Variants in PLEKHA5 observed in about 807,000 individuals in gnomAD.
The protein encoded by PLEKHA5 is pleckstrin homology domain-containing family A member 5.
In PLEKHA5, 55 loss-of-function variants were observed where a neutral mutation model predicts 181.9. That is an observed-to-expected ratio of 0.30 (90% CI 0.24 to 0.38). The LOEUF is 0.38. PLEKHA5 is among the 10% of genes least tolerant of loss of function. The probability of loss-of-function intolerance (pLI) is 1.00; values close to 1 mark genes in which losing one functional copy is unlikely to be tolerated. For synonymous variants in PLEKHA5, 535 were observed against 529.4 expected, an observed-to-expected ratio of 1.01 and a Z score of -0.15; for missense variants, 1,432 against 1,549.5, an observed-to-expected ratio of 0.92 and a Z score of 1.27.
chr12:19,364,621 C>G (rs1315220512), intron 29 of PLEKHA5, among the ~76,000 whole-genome samples: 1 of 151,960 alleles, frequency 6.6e-6, no homozygotes, highest in African/African-American at 2.4e-5. Flanking sequence ...TGACAAGGAT[C>G]TTTATATGAA....
At chr12:19,198,347 G>C (rs1323634720) in intron 3 of PLEKHA5, among the ~76,000 whole-genome samples, 1 of 152,162 alleles carries the variant, frequency 6.6e-6, no homozygotes, top group Non-Finnish European at 1.5e-5. Context: ...GCCAGGCTTA[G>C]AGCCTTTAAA....
chr12:19,173,513 C>A (rs139202037), intron 3 of PLEKHA5, among the ~76,000 whole-genome samples: 18 of 151,980 alleles, frequency 1.2e-4, no homozygotes, highest in African/African-American at 3.9e-4. Flanking sequence ...AGTGTGGGGA[C>A]GAAACCAGTG....
intron 30 of PLEKHA5, among the ~76,000 whole-genome samples, chr12:19,369,226 G>T (rs1365860321): frequency 6.6e-6 from 1 of 151,634 alleles, no homozygotes; most frequent in Non-Finnish European, 1.5e-5. Context: ...GTAGAGTCGG[G>T]GTTTCACCAT....
At position 19,334,818 on chromosome 12, in the gene PLEKHA5, C is replaced by G. The variant is rs1255609136; in HGVS notation, c.2449-1697C>G. ...GCAACATGGCAAAATCCTGTCTTCA[C>G]AAAAAAAAAAAATATATATATATAT... On this transcript the variant is annotated intron_variant, in intron 20 of 31. Transcript: ENST00000429027. Among the ~76,000 whole-genome samples the G allele has an allele frequency of 3.5e-3, 21 of 5,982 alleles. No homozygotes were observed. In the South Asian group the frequency reaches 0.057, roughly 16 times the overall value. The allele number at this position is 5,982 out of a possible 152,430, so 3.9% of individuals were successfully genotyped here.
chr12:19,331,637 C>T (rs989138215), intron 20 of PLEKHA5, among the ~76,000 whole-genome samples: 2 of 152,178 alleles, frequency 1.3e-5, no homozygotes, highest in Non-Finnish European at 2.9e-5. Context: ...CTCCCCCGCA[C>T]AGTGGCCAAG....
rs138370622 is a variant in PLEKHA5, at chr12:19,374,726, G to A, written c.*12-805G>A. On this transcript the variant is annotated intron_variant, in intron 31 of 31. Transcript: ENST00000429027. The stretch of plus-strand genomic sequence containing the variant: ...TCCTAGCACTTTGGGAGGCCGAGGC[G>A]GGCGGATTGCCTGAGTTCAGGAGTT... Among the ~76,000 whole-genome samples the A allele has an allele frequency of 6.5e-3, 977 of 149,558 alleles. 8 individuals are homozygous for A. The highest frequency in any genetic ancestry group is 0.023 in the African/African-American group (917 of 40,580).
intron 15 of PLEKHA5, among the ~76,000 whole-genome samples, chr12:19,298,408 C>CTTTTTTTTTTT (rs533661916): frequency 2.8e-5 from 3 of 106,336 alleles, no homozygotes; most frequent in East Asian, 2.7e-4. Context: ...ATTTTTTTAG[C>CTTTTTTTTTTT]TTTTTTTTTT....
intron 5 of PLEKHA5, among the ~76,000 whole-genome samples, 169 bp downstream of exon 5, chr12:19,255,334 GT>G (rs1340381865): frequency 3.3e-5 from 5 of 152,032 alleles, no homozygotes; most frequent in Middle Eastern, 3.2e-3. Flanking sequence ...TAATAAGATT[GT>G]AATTCAGTGA....
intron 3 of PLEKHA5, among the ~76,000 whole-genome samples, chr12:19,236,115 T>A (rs957661128): frequency 4.6e-5 from 7 of 152,194 alleles, no homozygotes; most frequent in Admixed American, 4.6e-4. Context: ...AAAGAAAGCA[T>A]GTTGCAAAAC....
At chr12:19,232,603 G>A (rs1440122187) in intron 3 of PLEKHA5, among the ~76,000 whole-genome samples, 6 of 152,140 alleles carry the variant, frequency 3.9e-5, no homozygotes, top group African/African-American at 1.4e-4. Context: ...GTCACTCTCT[G>A]AGGAGGAAGA....
In PLEKHA5 at chr12:19,322,577, C is replaced by T. The variant is rs545027620; in HGVS notation, c.2358C>T (p.Asn786=). 1.2e-4 allele frequency: 196 copies of T among 1,613,576 alleles called. 2 individuals are homozygous for T. In the South Asian group the frequency reaches 2.0e-3, roughly 17 times the overall value. ...AAGAGATAGAAATGCATGCAGATAA[C>T]CCAGCAGCCATTCAGACAGTGGTGT... The part of the protein sequence containing the change: ...ASQEIEMHAD[N]PAAIQTVVLQ... Residue 786 remains asparagine (N), a synonymous_variant, in exon 20 of 32, where the codon AAC becomes AAT. Coordinates refer to ENST00000429027, the MANE Select transcript of PLEKHA5 (RefSeq NM_001256470.2).
In PLEKHA5 at chr12:19,367,878, G is replaced by A. The variant is rs114183059; in HGVS notation, c.3754+1769G>A. ...TGGGATTATAGGCATGAGCCACTGC[G>A]CCCGGCCCAGCTTTGCTTCTTGTAG... On this transcript the variant is annotated intron_variant, in intron 30 of 31. Coordinates refer to ENST00000429027, the MANE Select transcript of PLEKHA5 (RefSeq NM_001256470.2). 2.6e-3 allele frequency among the ~76,000 whole-genome samples: 398 copies of A among 151,502 alleles called. 2 individuals carry two copies. Among genetic ancestry groups the A allele is most frequent in the African/African-American group, 9.2e-3 (380 of 41,312 alleles).
chr12:19,171,278 G>T (rs4763521), intron 3 of PLEKHA5, among the ~76,000 whole-genome samples: 100,178 of 151,984 alleles, frequency 0.66, 36,648 homozygotes, highest in Non-Finnish European at 0.83. Context: ...TTTGATGAAA[G>T]GACTGAGGAA....
At chr12:19,220,019 C>A (rs2058678914) in intron 3 of PLEKHA5, among the ~76,000 whole-genome samples, 1 of 151,990 alleles carries the variant, frequency 6.6e-6, no homozygotes. Context: ...TATGTAATTA[C>A]AAAACCTAAA....
intron 15 of PLEKHA5, among the ~76,000 whole-genome samples, chr12:19,308,976 C>A (rs955341712): frequency 1.3e-5 from 2 of 151,544 alleles, no homozygotes; most frequent in Admixed American, 1.3e-4. Context: ...GCAGGAGAAT[C>A]ACTTGAACCC....
chr12:19,174,168 A>G (rs971284077), intron 3 of PLEKHA5, among the ~76,000 whole-genome samples: 1 of 152,212 alleles, frequency 6.6e-6, no homozygotes, highest in Non-Finnish European at 1.5e-5. Context: ...CAAGGATTGA[A>G]AAATTAAAAC....
chr12:19,168,862 G>T (rs1418952148), intron 3 of PLEKHA5, among the ~76,000 whole-genome samples: 1 of 152,188 alleles, frequency 6.6e-6, no homozygotes, highest in African/African-American at 2.4e-5. Flanking sequence ...AGTGAAAAGA[G>T]CTGGGCATTG....
chr12:19,295,387 A>G (rs2079503403), intron 15 of PLEKHA5, among the ~76,000 whole-genome samples: 1 of 152,134 alleles, frequency 6.6e-6, no homozygotes, highest in African/African-American at 2.4e-5. Context: ...GAGGGAAGCC[A>G]TAAGTAAAGT....
chr12:19,214,975 C>G (rs1026185873), intron 3 of PLEKHA5, among the ~76,000 whole-genome samples: 3 of 151,846 alleles, frequency 2.0e-5, no homozygotes, highest in Admixed American at 2.0e-4. Context: ...GTCAGGAGTT[C>G]GAGGCCATCC....
Sources: allele counts gnomAD v4.1 joint callset (sites outside exome capture counted in the v4.1 genomes callset), GRCh38; gene constraint gnomAD v4.1.1; transcripts MANE v1.5; gene names NCBI Gene and HGNC (gene_info 2026-07-23, HGNC 2026-07-21).